Variants in IMPACT observed in about 807,000 individuals in gnomAD.
The protein encoded by IMPACT is protein IMPACT.
IMPACT carries 35 observed loss-of-function variants against 47.5 expected under a neutral mutation model. The ratio of observed to expected loss-of-function variants is 0.74; its 90% confidence interval spans 0.56 to 0.98. IMPACT has a LOEUF of 0.98. Ranked by LOEUF, IMPACT falls within the 50% of genes least tolerant of loss-of-function variation. IMPACT has a pLI of 0.00. For synonymous variants in IMPACT, 118 were observed against 125.6 expected, an observed-to-expected ratio of 0.94 and a Z score of 0.40; for missense variants, 373 against 394.8, an observed-to-expected ratio of 0.94 and a Z score of 0.47.
Position 24,442,980 on chromosome 18 carries a change from C to T in IMPACT, c.491-69C>T, listed in dbSNP as rs146893997. 1,766 of 737,988 alleles carry T rather than the reference C, an allele frequency of 2.4e-3. 22 individuals are homozygous for T. The African/African-American group carries it at 0.027, about 11-fold the overall frequency. The allele number at this position is 737,988 out of a possible 1,614,324, so 45.7% of individuals were successfully genotyped here. On this transcript the variant is annotated intron_variant, in intron 6 of 10. Transcript: ENST00000284202. ...TTTACATTTCTTTCCCAGCTGCCCC[C>T]CCATTTCATTTTTTTCAGTATTTGA...
rs773897854 is a variant in IMPACT, at chr18:24,449,967, C to T, written c.894+14C>T. The T allele has an allele frequency of 4.0e-5, 64 of 1,611,318 alleles. No individual in the cohort carries two copies. The highest frequency in any genetic ancestry group is 4.0e-5 in the African/African-American group (3 of 74,846). Reference sequence around the variant, plus strand: ...ACAAATTCACCTGTAAGTGGCTCTTCGTACTACATCTAGAGAATTTCTCAT... The same window carrying T: ...ACAAATTCACCTGTAAGTGGCTCTTTGTACTACATCTAGAGAATTTCTCAT... On this transcript the variant is annotated intron_variant, in intron 10 of 10. Coordinates refer to ENST00000284202, the MANE Select transcript of IMPACT (RefSeq NM_018439.4).
chr18:24,434,249 C>T (rs2554142), intron 4 of IMPACT, among the ~76,000 whole-genome samples: 4 of 151,986 alleles, frequency 2.6e-5, no homozygotes, highest in Non-Finnish European at 4.4e-5. Flanking sequence ...ACTTGGAAGA[C>T]TGAGGTGGAA....
chr18:24,430,653 A>G (rs1472615852), intron 4 of IMPACT, among the ~76,000 whole-genome samples: 1 of 152,200 alleles, frequency 6.6e-6, no homozygotes, highest in Non-Finnish European at 1.5e-5. Context: ...AATCCCAGCT[A>G]TTCAGGAGGT....
chr18:24,433,241 G>C (rs565582622), intron 4 of IMPACT, among the ~76,000 whole-genome samples: 22 of 117,420 alleles, frequency 1.9e-4, no homozygotes, highest in Non-Finnish European at 1.1e-4. Context: ...CGCCCAGGCC[G>C]GACTGCGGAC....
intron 4 of IMPACT, among the ~76,000 whole-genome samples, chr18:24,431,480 A>G (rs1908756721): frequency 6.6e-6 from 1 of 152,108 alleles, no homozygotes; most frequent in African/African-American, 2.4e-5. Flanking sequence ...AGCTGGAAGC[A>G]GAGAAGGGTT....
chr18:24,431,950 C>T (rs1000055527), intron 4 of IMPACT, among the ~76,000 whole-genome samples: 7 of 152,226 alleles, frequency 4.6e-5, no homozygotes, highest in Non-Finnish European at 8.8e-5. Flanking sequence ...GATCCACCCA[C>T]CTTGGCCTCC....
In IMPACT at chr18:24,448,199, A is replaced by G. The variant is rs530658971; in HGVS notation, c.759+16A>G. Reference sequence around the variant, plus strand: ...TCTCATGGAGGTAGGTGTAAGTTAAACTATCAATCCTGTTCTGTACAAGCC... The same window carrying G: ...TCTCATGGAGGTAGGTGTAAGTTAAGCTATCAATCCTGTTCTGTACAAGCC... On this transcript the variant is annotated intron_variant, in intron 9 of 10. Coordinates refer to ENST00000284202, the MANE Select transcript of IMPACT (RefSeq NM_018439.4). 4 of 1,563,312 alleles carry G rather than the reference A, an allele frequency of 2.6e-6. No homozygotes were observed. The East Asian group carries it at 6.7e-5, about 26-fold the overall frequency.
At position 24,453,373 on chromosome 18, in the gene IMPACT, A is replaced by G. The variant is rs1909436051; in HGVS notation, c.*2526A>G. Reference sequence around the variant, plus strand: ...ATTAATATTTGGTATGTACATCCTTATATTATTTTTTTCTTATGCATGATT... The same window carrying G: ...ATTAATATTTGGTATGTACATCCTTGTATTATTTTTTTCTTATGCATGATT... On this transcript the variant is annotated 3_prime_UTR_variant, in exon 11 of 11. Coordinates refer to ENST00000284202, the MANE Select transcript of IMPACT (RefSeq NM_018439.4). 2 of 152,020 alleles carry G rather than the reference A, an allele frequency of 1.3e-5. No individual in the cohort carries two copies. Among genetic ancestry groups the G allele is most frequent in the South Asian group, 2.1e-4 (1 of 4,832 alleles). The allele number at this position is 152,020 out of a possible 1,614,324, so 9.4% of individuals were successfully genotyped here.
intron 8 of IMPACT, among the ~76,000 whole-genome samples, chr18:24,447,271 T>G (rs1314365902): frequency 6.6e-6 from 1 of 152,194 alleles, no homozygotes; most frequent in East Asian, 1.9e-4. Flanking sequence ...ATTAAAAGTT[T>G]ACAGCTTTTT....
intron 9 of IMPACT, among the ~76,000 whole-genome samples, chr18:24,449,171 G>A (rs1005122532): frequency 1.3e-5 from 2 of 151,968 alleles, no homozygotes; most frequent in Non-Finnish European, 2.9e-5. Context: ...AACCAGCCTG[G>A]GCAACATGGT....
rs1464534619 is a variant in IMPACT, at chr18:24,452,043, C to G, written c.*1196C>G. On this transcript the variant is annotated 3_prime_UTR_variant, in exon 11 of 11. Coordinates refer to ENST00000284202, the MANE Select transcript of IMPACT (RefSeq NM_018439.4). ...GCAAACAATTGTTAAAAGTTATTAA[C>G]TGATCACAGATTTGCCTGGACTTCC... 6.6e-6 allele frequency: 1 copy of G among 152,208 alleles called. No homozygotes were observed. The highest frequency in any genetic ancestry group is 1.5e-5 in the Non-Finnish European group (1 of 68,044). The allele number at this position is 152,208 out of a possible 1,614,324, so 9.4% of individuals were successfully genotyped here.
chr18:24,449,591 T>C (rs1233036791), intron 9 of IMPACT, among the ~76,000 whole-genome samples: 1 of 152,168 alleles, frequency 6.6e-6, no homozygotes. Flanking sequence ...TTTGAGGACA[T>C]TGTGAAACAC....
intron 8 of IMPACT, among the ~76,000 whole-genome samples, chr18:24,446,148 C>T (rs1333174007): frequency 6.6e-6 from 1 of 151,956 alleles, no homozygotes; most frequent in Non-Finnish European, 1.5e-5. Context: ...AGTACAGGGG[C>T]GTGATCTTGG....
At chr18:24,433,804 G>A (rs991119199) in intron 4 of IMPACT, among the ~76,000 whole-genome samples, 3 of 151,468 alleles carry the variant, frequency 2.0e-5, no homozygotes, top group Admixed American at 2.0e-4. Flanking sequence ...CTGAGTAGCT[G>A]GGATTACAGG....
At chr18:24,427,892 G>A in intron 1 of IMPACT, 27 bp from the exon 2 acceptor site, 2 of 1,587,104 alleles carry the variant, frequency 1.3e-6, no homozygotes, top group Non-Finnish European at 1.7e-6. Flanking sequence ...TACATTTGTT[G>A]ACTTTTAAAA....
At chr18:24,439,203 C>A (rs1411201349) in intron 5 of IMPACT, among the ~76,000 whole-genome samples, 1 of 152,120 alleles carries the variant, frequency 6.6e-6, no homozygotes, top group Non-Finnish European at 1.5e-5. Context: ...AAAATACCTT[C>A]AGAGAAAAAT....
intron 4 of IMPACT, among the ~76,000 whole-genome samples, chr18:24,433,491 G>A (rs1054972750): frequency 2.0e-5 from 3 of 150,630 alleles, no homozygotes; most frequent in East Asian, 1.9e-4. Flanking sequence ...GAGCCACCGC[G>A]CCCGGCCAAC....
intron 8 of IMPACT, among the ~76,000 whole-genome samples, chr18:24,447,088 A>G (rs565975469): frequency 6.6e-6 from 1 of 152,340 alleles, no homozygotes; most frequent in African/African-American, 2.4e-5. Flanking sequence ...AAAAGAAAAA[A>G]GTACTCATAG....
rs1909229916 is a variant in IMPACT, at chr18:24,445,565, A to G, written c.668+99A>G. 3 of 639,726 alleles carry G rather than the reference A, an allele frequency of 4.7e-6. No homozygotes were observed. In the South Asian group the frequency reaches 8.9e-5, roughly 19 times the overall value. 39.6% of individuals were successfully genotyped at this position (639,726 alleles called of 1,614,324 possible). A position where few individuals can be genotyped will look rare whatever the true frequency, so the allele number is the denominator to read the frequency against. On this transcript the variant is annotated intron_variant, in intron 8 of 10. Coordinates refer to ENST00000284202, the MANE Select transcript of IMPACT (RefSeq NM_018439.4). ...ATAATAACTATTGTGTATTTTTTCC[A>G]TTGTAATAGTAATAGACATGGAATA...
Sources: allele counts gnomAD v4.1 joint callset (sites outside exome capture counted in the v4.1 genomes callset), GRCh38; gene constraint gnomAD v4.1.1; transcripts MANE v1.5; gene names NCBI Gene and HGNC (gene_info 2026-07-23, HGNC 2026-07-21).